ISM1: variants seen among roughly 807,000 people sequenced by gnomAD.
ISM1 encodes isthmin-1.
A neutral mutation model predicts 46.3 loss-of-function variants in ISM1; 25 were observed. The ratio of observed to expected loss-of-function variants is 0.54; its 90% CI spans 0.39 to 0.75. The LOEUF (loss-of-function observed/expected upper bound fraction) is 0.75, where lower values mean the gene tolerates loss of function less well. Ranked by LOEUF, ISM1 falls within the 30% of genes least tolerant of loss-of-function variation. The pLI is 0.00. For synonymous variants in ISM1, 255 were observed against 256.7 expected (o/e 0.99, Z 0.06); for missense variants, 536 against 625.4 (o/e 0.86, Z 1.52).
chr20:13,294,969 G>A (rs963715281), intron 5 of ISM1, among the ~76,000 whole-genome samples: 9 of 152,050 alleles, frequency 5.9e-5, no homozygotes, highest in African/African-American at 1.7e-4. Context: ...TTTGCCTTTC[G>A]CCAGGCCTTT....
intron 4 of ISM1, among the ~76,000 whole-genome samples, chr20:13,289,360 G>A (rs1057029543): frequency 5.3e-5 from 8 of 152,194 alleles, no homozygotes; most frequent in Non-Finnish European, 8.8e-5. Context: ...CAGCCCCACC[G>A]GTAATACCAG....
rs1201548319 is a variant in ISM1, at chr20:13,237,786, A to G, written c.138+15872A>G. 3.3e-5 allele frequency: 5 copies of G among 152,326 alleles called. No homozygotes were observed. The East Asian group carries it at 9.6e-4, about 29-fold the overall frequency. The allele number at this position is 152,326 out of a possible 1,614,324, so 9.4% of individuals were successfully genotyped here. ...AAGAGATGGCTGATTTTCACTGGGA[A>G]AGATTACCCACAGCCCTGGAGTTCA... On this transcript the variant is annotated intron_variant, in intron 1 of 5. Coordinates refer to ENST00000262487, the MANE Select transcript of ISM1 (RefSeq NM_080826.2).
In ISM1 at chr20:13,270,615, C is replaced by T; in HGVS notation, c.250C>T (p.Pro84Ser). Residue 84 changes from proline (P) to serine (S), a missense_variant, in exon 2 of 6, where the codon CCG (proline) becomes TCG (serine). Pro to Ser is a moderately conservative substitution (Grantham distance 74). Coordinates refer to ENST00000262487, the MANE Select transcript of ISM1 (RefSeq NM_080826.2). ...GGCTGCACACCAACCCTTCCCCAGACCGCGATTCCGACAAGAGACGGGGCA... is the reference window on the plus strand; with the variant it reads ...GGCTGCACACCAACCCTTCCCCAGATCGCGATTCCGACAAGAGACGGGGCA... ...HQAAHQPFPRPRFRQETGHPS... is the reference protein window; with the variant it reads ...HQAAHQPFPRSRFRQETGHPS... 1 of 1,614,028 alleles carries T rather than the reference C, an allele frequency of 6.2e-7. No individual in the cohort carries two copies. The highest frequency in any genetic ancestry group is 1.7e-5 in the Admixed American group (1 of 60,020).
rs767160701 is a variant in ISM1, at chr20:13,299,170, T to A, written c.1106T>A (p.Ile369Asn). ...TACAAGCCCACTGCCCGGTACTGCA[T>A]CCGCTCCATGCTGTCCCTGGAGAGC... ...EIYKPTARYCIRSMLSLESTT... is the reference protein window; with the variant it reads ...EIYKPTARYCNRSMLSLESTT... Residue 369 changes from isoleucine (I) to asparagine (N), a missense_variant, in exon 6 of 6, where the codon ATC becomes AAC. Physicochemically the swap from Ile to Asn is moderately radical, Grantham distance 149 (BLOSUM62 -3). Coordinates refer to ENST00000262487, the MANE Select transcript of ISM1 (RefSeq NM_080826.2). The surrounding 1 kb of genome is among the most constrained non-coding windows in gnomAD (Gnocchi z 5.8). The A allele has an allele frequency of 4.4e-6, 7 of 1,608,988 alleles. No individual in the cohort carries two copies.
At chr20:13,319,272 G>A in the ISM1 span, among the ~76,000 whole-genome samples, 1 of 151,944 alleles carries the variant, frequency 6.6e-6, no homozygotes, top group Non-Finnish European at 1.5e-5. Flanking sequence ...AGGCCAACTA[G>A]ACTATGAGCA....
intron 5 of ISM1, among the ~76,000 whole-genome samples, chr20:13,293,132 G>A (rs990717889): frequency 5.3e-5 from 8 of 151,680 alleles, no homozygotes; most frequent in African/African-American, 1.5e-4. Context: ...CCCAGGAGGC[G>A]GAGGTTGCAG....
chr20:13,279,831 C>T lies in ISM1; in HGVS notation c.576C>T (p.Pro192=), dbSNP rs563288624. The T allele has an allele frequency of 3.1e-6, 5 of 1,613,990 alleles. No homozygotes were observed. The African/African-American group carries it at 4.0e-5, about 13-fold the overall frequency. The change falls in exon 3 of 6, where the codon CCC becomes CCT. Residue 192 remains proline, a synonymous_variant. Transcript: ENST00000262487. ...CAGACGACAGCAACTTCCTCAACCC[C>T]CCCAGGGGGTGGGACCATACAGCCC... The part of the protein sequence containing the change: ...STSDDSNFLN[P]PRGWDHTAPG...
At chr20:13,283,784 G>A (rs2123293668) in intron 3 of ISM1, among the ~76,000 whole-genome samples, 1 of 152,288 alleles carries the variant, frequency 6.6e-6, no homozygotes, top group African/African-American at 2.4e-5. Flanking sequence ...ACTGCTTATT[G>A]TTACTTGGGT....
chr20:13,295,748 T>A (rs1472813858), intron 5 of ISM1, among the ~76,000 whole-genome samples: 1 of 152,192 alleles, frequency 6.6e-6, no homozygotes, highest in Non-Finnish European at 1.5e-5. Context: ...TGACTGGGAA[T>A]CCCAGCAAAA....
intron 1 of ISM1, among the ~76,000 whole-genome samples, chr20:13,251,845 C>T (rs1054443263): frequency 5.3e-5 from 8 of 152,050 alleles, no homozygotes; most frequent in Admixed American, 3.3e-4. Context: ...AACTTGGAGC[C>T]GAACTCTTAG....
At chr20:13,234,025 A>G (rs902719513) in intron 1 of ISM1, among the ~76,000 whole-genome samples, 9 of 152,170 alleles carry the variant, frequency 5.9e-5, no homozygotes, top group African/African-American at 1.9e-4. Flanking sequence ...AGGTGCGTAT[A>G]TTGTGTAGTA....
At chr20:13,222,501 T>C (rs2039462718) in intron 1 of ISM1, among the ~76,000 whole-genome samples, 1 of 151,636 alleles carries the variant, frequency 6.6e-6, no homozygotes, top group African/African-American at 2.4e-5. Flanking sequence ...GGTTCCCCCC[T>C]CCCCCCTTGT....
intron 4 of ISM1, among the ~76,000 whole-genome samples, chr20:13,291,657 T>C (rs768742773): frequency 3.3e-4 from 50 of 152,208 alleles, no homozygotes; most frequent in South Asian, 8.3e-4. Context: ...AGAGCTGGGT[T>C]CAGTTCCTCA....
chr20:13,279,166 G>A (rs2040211516), intron 2 of ISM1, among the ~76,000 whole-genome samples: 1 of 152,178 alleles, frequency 6.6e-6, no homozygotes, highest in Non-Finnish European at 1.5e-5. Flanking sequence ...ATTTAGGATA[G>A]TGCCTGGTAC....
rs972917825 is a variant in ISM1 at position 13,221,466 on chromosome 20, C to G, written c.-311C>G. On this transcript the variant is annotated 5_prime_UTR_variant, in exon 1 of 6. Transcript: ENST00000262487. The stretch of plus-strand genomic sequence containing the variant: ...GGCTGTCCCGGGACCCAGTCTCCGT[C>G]TCCGCCGCCGCCGCCGCCAGGCAGC... Among the ~76,000 whole-genome samples the G allele has an allele frequency of 1.0e-4, 15 of 145,712 alleles. No individual in the cohort carries two copies. Among genetic ancestry groups the G allele is most frequent in the Admixed American group, 2.7e-4 (4 of 14,742 alleles).
chr20:13,276,387 A>G (rs2040179930), intron 2 of ISM1, among the ~76,000 whole-genome samples: 2 of 151,872 alleles, frequency 1.3e-5, no homozygotes, highest in Admixed American at 6.6e-5. Context: ...CTTCTAGTCA[A>G]TGTATTAATT....
At chr20:13,229,567 C>G (rs1482285365) in intron 1 of ISM1, among the ~76,000 whole-genome samples, 1 of 152,166 alleles carries the variant, frequency 6.6e-6, no homozygotes, top group Non-Finnish European at 1.5e-5. Context: ...ATATCCCCAT[C>G]AATGGACATT....
chr20:13,325,380 C>T, the ISM1 span, among the ~76,000 whole-genome samples: 2 of 152,194 alleles, frequency 1.3e-5, no homozygotes, highest in Non-Finnish European at 2.9e-5. Context: ...CATGCTTGCT[C>T]TTCTGGTATC....
the ISM1 span, among the ~76,000 whole-genome samples, chr20:13,307,619 T>A: frequency 7.8e-4 from 119 of 152,312 alleles, no homozygotes; most frequent in African/African-American, 2.7e-3. Context: ...CCAAGAATAA[T>A]CAGTATCATG....
Sources: allele counts gnomAD v4.1 joint callset (sites outside exome capture counted in the v4.1 genomes callset), GRCh38; gene constraint gnomAD v4.1.1; non-coding constraint Gnocchi (gnomAD v3.1); transcripts MANE v1.5; gene names NCBI Gene and HGNC (gene_info 2026-07-23, HGNC 2026-07-21).